Variants in CPQ observed in about 807,000 individuals in gnomAD.
CPQ encodes the protein carboxypeptidase Q.
CPQ carries 37 observed loss-of-function variants against 45.7 expected under a neutral mutation model. The observed-to-expected ratio is 0.81, with a 90% CI of 0.62 to 1.07. The LOEUF is 1.07. Among genes scored for constraint, CPQ ranks in the 50% least tolerant of loss-of-function variants. CPQ has a pLI of 0.00. For missense variants in CPQ, 537 were observed against 572.9 expected (o/e 0.94, Z 0.64); for synonymous variants, 186 against 205.8 (o/e 0.90, Z 0.82).
In CPQ at chr8:96,768,319, G is replaced by A. The variant is rs147285934; in HGVS notation, c.-34-16545G>A. On this transcript the variant is annotated intron_variant, in intron 1 of 7. Transcript: ENST00000220763. ...TTTTTTTTTGCAACCTTTGATTAAT[G>A]CCTGACCATTGGGACAGAAAGGAAT... Among the ~76,000 whole-genome samples the A allele has an allele frequency of 4.9e-3, 717 of 146,888 alleles. 11 individuals are homozygous for A. The highest frequency in any genetic ancestry group is 0.013 in the African/African-American group (505 of 39,350).
intron 1 of CPQ, among the ~76,000 whole-genome samples, chr8:96,763,684 G>A (rs1194760846): frequency 6.6e-6 from 1 of 151,914 alleles, no homozygotes; most frequent in Non-Finnish European, 1.5e-5. Flanking sequence ...AAAACTCTAA[G>A]ATATAAATAA....
intron 4 of CPQ, among the ~76,000 whole-genome samples, chr8:96,901,918 G>A (rs1406360095): frequency 1.3e-5 from 2 of 152,172 alleles, no homozygotes; most frequent in Admixed American, 6.6e-5. Context: ...ACCTGCATGA[G>A]ATTTTTCTGG....
rs1811882225 is a variant in CPQ at position 96,858,450 on chromosome 8, A to T, written c.642-21348A>T. ...GGTTCCTTGCACAGCAGCGTCTGATATCCTGCATGTTAGTTCTTTGTTTTC... is the reference window on the plus strand; with the variant it reads ...GGTTCCTTGCACAGCAGCGTCTGATTTCCTGCATGTTAGTTCTTTGTTTTC... On this transcript the variant is annotated intron_variant, in intron 3 of 7. Transcript: ENST00000220763. Among the ~76,000 whole-genome samples, 3 of 152,150 alleles carry T rather than the reference A, an allele frequency of 2.0e-5. No individual in the cohort carries two copies. In the South Asian group the frequency reaches 6.2e-4, roughly 31 times the overall value.
chr8:96,717,024 AATATATATATATATATAT>A (rs58338307), intron 1 of CPQ, among the ~76,000 whole-genome samples: 2,934 of 56,536 alleles, frequency 0.052, 135 homozygotes, highest in Middle Eastern at 0.12. Context: ...CCATGATATA[AATATATATATATATATAT>A]ATATATATAT....
chr8:96,743,077 A>G (rs570416555), intron 1 of CPQ, among the ~76,000 whole-genome samples: 27 of 152,228 alleles, frequency 1.8e-4, no homozygotes, highest in Admixed American at 4.6e-4. Flanking sequence ...GTGTTTTCCA[A>G]CTTGGTTCCA....
At chr8:97,087,670 C>A (rs1369788598) in intron 7 of CPQ, among the ~76,000 whole-genome samples, 1 of 152,144 alleles carries the variant, frequency 6.6e-6, no homozygotes, top group African/African-American at 2.4e-5. Flanking sequence ...TCGTTCTAAT[C>A]CTCAACATCA....
At chr8:96,781,112 T>C (rs573322236) in intron 1 of CPQ, among the ~76,000 whole-genome samples, 3 of 152,190 alleles carry the variant, frequency 2.0e-5, no homozygotes, top group Non-Finnish European at 4.4e-5. Flanking sequence ...GCATTTGTTA[T>C]AGACTAATGC....
intron 4 of CPQ, among the ~76,000 whole-genome samples, chr8:96,956,444 G>A (rs1164101254): frequency 6.6e-6 from 1 of 152,066 alleles, no homozygotes; most frequent in Non-Finnish European, 1.5e-5. Flanking sequence ...CTTATTAGTG[G>A]CCCTTGATTC....
chr8:96,749,977 A>C (rs1441883582), intron 1 of CPQ, among the ~76,000 whole-genome samples: 1 of 152,164 alleles, frequency 6.6e-6, no homozygotes, highest in Non-Finnish European at 1.5e-5. Context: ...TGATTAATCT[A>C]TACAAGGTAA....
chr8:97,004,852 A>G (rs913006000), intron 5 of CPQ, among the ~76,000 whole-genome samples: 4 of 152,164 alleles, frequency 2.6e-5, no homozygotes, highest in African/African-American at 9.6e-5. Context: ...AAACAAAAAT[A>G]CCAAAATTTC....
At chr8:96,908,994 G>C (rs1812620883) in intron 4 of CPQ, among the ~76,000 whole-genome samples, 1 of 152,014 alleles carries the variant, frequency 6.6e-6, no homozygotes, top group Non-Finnish European at 1.5e-5. Flanking sequence ...CTTGGTCAGT[G>C]TTCCATCTTG....
chr8:96,772,942 C>T (rs192361501), intron 1 of CPQ, among the ~76,000 whole-genome samples: 1 of 152,138 alleles, frequency 6.6e-6, no homozygotes, highest in Non-Finnish European at 1.5e-5. Flanking sequence ...TAAGAAAATC[C>T]ATAATAGAAT....
intron 1 of CPQ, among the ~76,000 whole-genome samples, chr8:96,718,466 C>T (rs532646126): frequency 2.8e-4 from 43 of 152,198 alleles, no homozygotes; most frequent in African/African-American, 9.4e-4. Context: ...TTCGTTCCCC[C>T]CAGTGGGCTT....
At chr8:96,736,451 C>G (rs1205250795) in intron 1 of CPQ, among the ~76,000 whole-genome samples, 1 of 152,114 alleles carries the variant, frequency 6.6e-6, no homozygotes, top group Non-Finnish European at 1.5e-5. Flanking sequence ...CACAGAAACC[C>G]CAAGAACCAA....
chr8:97,077,552 G>C (rs1387250349), intron 7 of CPQ, among the ~76,000 whole-genome samples: 1 of 152,168 alleles, frequency 6.6e-6, no homozygotes, highest in East Asian at 1.9e-4. Flanking sequence ...TACAATCTGT[G>C]TTTATGTGCA....
intron 1 of CPQ, among the ~76,000 whole-genome samples, chr8:96,664,609 G>A (rs1808895874): frequency 6.6e-6 from 1 of 152,202 alleles, no homozygotes; most frequent in Non-Finnish European, 1.5e-5. Context: ...ATGGCATTAT[G>A]TACCCTGGAG....
At chr8:96,713,903 A>T (rs1319909022) in intron 1 of CPQ, among the ~76,000 whole-genome samples, 2 of 152,204 alleles carry the variant, frequency 1.3e-5, no homozygotes, top group Non-Finnish European at 2.9e-5. Context: ...TATGAAACTT[A>T]GTTTTGCTGG....
chr8:97,143,011 T>C lies in CPQ; in HGVS notation c.1256-9T>C, dbSNP rs1408636412. 6.2e-7 allele frequency: 1 copy of C among 1,613,168 alleles called. No individual in the cohort carries two copies. Among genetic ancestry groups the C allele is most frequent in the Non-Finnish European group, 8.5e-7 (1 of 1,179,512 alleles). On this transcript the variant is annotated splice_polypyrimidine_tract_variant and intron_variant, in intron 7 of 7. Coordinates refer to ENST00000220763, the MANE Select transcript of CPQ (RefSeq NM_016134.4). ...ACTCCACTAAGAATTCTTCCTCTTTTATCCCCAGGAGCCAGTCTACTTGAT... is the reference window on the plus strand; with the variant it reads ...ACTCCACTAAGAATTCTTCCTCTTTCATCCCCAGGAGCCAGTCTACTTGAT...
chr8:96,698,633 T>G (rs1809416775), intron 1 of CPQ, among the ~76,000 whole-genome samples: 1 of 152,078 alleles, frequency 6.6e-6, no homozygotes, highest in Non-Finnish European at 1.5e-5. Flanking sequence ...TGTAAGCAGC[T>G]CAAACAGCTC....
Sources: allele counts gnomAD v4.1 joint callset (sites outside exome capture counted in the v4.1 genomes callset), GRCh38; gene constraint gnomAD v4.1.1; transcripts MANE v1.5; gene names NCBI Gene and HGNC (gene_info 2026-07-23, HGNC 2026-07-21).